Variants in CCSER1 observed in about 807,000 individuals in gnomAD.
CCSER1 encodes serine-rich coiled-coil domain-containing protein 1.
Under a neutral mutation model 82.0 loss-of-function variants are expected in CCSER1, and 41 were observed. The observed-to-expected ratio is 0.50, with a 90% confidence interval of 0.39 to 0.65. CCSER1 has a LOEUF of 0.65. Ranked by LOEUF, CCSER1 falls within the 30% of genes least tolerant of loss-of-function variation. CCSER1 has a pLI of 0.00. For missense variants in CCSER1, 1,119 were observed against 1,064.2 expected, an observed-to-expected ratio of 1.05 and a Z score of -0.72; for synonymous variants, 414 against 383.9, an observed-to-expected ratio of 1.08 and a Z score of -0.92.
At chr4:91,570,481 T>G (rs576798193) in intron 10 of CCSER1, among the ~76,000 whole-genome samples, 1 of 152,214 alleles carries the variant, frequency 6.6e-6, no homozygotes, top group African/African-American at 2.4e-5. Flanking sequence ...TCTTTTGAAA[T>G]CTAGGTGGAG....
intron 10 of CCSER1, among the ~76,000 whole-genome samples, chr4:91,461,784 C>T (rs528711069): frequency 1.3e-5 from 2 of 152,250 alleles, no homozygotes; most frequent in African/African-American, 4.8e-5. Flanking sequence ...GGGTATCTCT[C>T]AGTAACTATT....
At chr4:90,512,620 G>T (rs1404002986) in intron 5 of CCSER1, among the ~76,000 whole-genome samples, 1 of 152,044 alleles carries the variant, frequency 6.6e-6, no homozygotes, top group Non-Finnish European at 1.5e-5. Context: ...ATTCAAATGT[G>T]AATCAGAAAA....
At chr4:90,235,605 T>TAAC (rs1745638703) in intron 1 of CCSER1, among the ~76,000 whole-genome samples, 1 of 152,152 alleles carries the variant, frequency 6.6e-6, no homozygotes, top group South Asian at 2.1e-4. Context: ...TTATACTTAG[T>TAAC]TATCTGTGCA....
At chr4:91,101,428 A>G (rs181147242) in intron 10 of CCSER1, among the ~76,000 whole-genome samples, 222 of 152,298 alleles carry the variant, frequency 1.5e-3, no homozygotes, top group African/African-American at 4.9e-3. Flanking sequence ...CCTCTTAAGA[A>G]CCTGGTTTAA....
At chr4:91,465,028 C>A (rs1467958362) in intron 10 of CCSER1, among the ~76,000 whole-genome samples, 1 of 152,174 alleles carries the variant, frequency 6.6e-6, no homozygotes, top group African/African-American at 2.4e-5. Context: ...ACAGAACTCT[C>A]CACCCCAAAT....
intron 10 of CCSER1, among the ~76,000 whole-genome samples, chr4:91,447,522 T>C (rs1187727659): frequency 1.3e-5 from 2 of 152,122 alleles, no homozygotes; most frequent in African/African-American, 4.8e-5. Flanking sequence ...ATTATAGCAA[T>C]GTTGCTGAAA....
intron 5 of CCSER1, among the ~76,000 whole-genome samples, chr4:90,491,002 C>T (rs746542183): frequency 1.6e-4 from 24 of 152,046 alleles, no homozygotes; most frequent in African/African-American, 1.9e-4. Flanking sequence ...CTTGGCAATG[C>T]GGGCCCTTTT....
chr4:90,815,737 T>C lies in CCSER1; in HGVS notation c.2011-25T>C, dbSNP rs368045176. 2.5e-4 allele frequency: 384 copies of C among 1,524,582 alleles called. 1 individual carries two copies. In the African/African-American group the frequency reaches 5.0e-3, roughly 20 times the overall value. The allele number at this position is 1,524,582 out of a possible 1,614,324, so 94.4% of individuals were successfully genotyped here. On this transcript the variant is annotated intron_variant, in intron 7 of 10. Coordinates refer to ENST00000509176, the MANE Select transcript of CCSER1 (RefSeq NM_001145065.2). The stretch of plus-strand genomic sequence containing the variant: ...CAAAGTAAAAGGGCTAAGCCTATTA[T>C]GCTGTCTCTTTGATGTTTTTATAGG...
chr4:90,442,505 GATTT>G (rs2153573492), intron 4 of CCSER1, among the ~76,000 whole-genome samples: 1 of 152,292 alleles, frequency 6.6e-6, no homozygotes, highest in African/African-American at 2.4e-5. Context: ...TGAGGAAAGA[GATTT>G]ATAAATTTGA....
intron 8 of CCSER1, among the ~76,000 whole-genome samples, chr4:90,919,291 A>G (rs1728033629): frequency 6.6e-6 from 1 of 151,862 alleles, no homozygotes; most frequent in Admixed American, 6.6e-5. Flanking sequence ...GAGTTATAGT[A>G]TCTTTGCAGA....
intron 3 of CCSER1, among the ~76,000 whole-genome samples, chr4:90,336,812 T>G (rs1296325685): frequency 6.6e-6 from 1 of 152,148 alleles, no homozygotes; most frequent in African/African-American, 2.4e-5. Flanking sequence ...ATTCAGCCAG[T>G]TTTTTTGCAT....
At chr4:90,493,599 A>G (rs1397796755) in intron 5 of CCSER1, among the ~76,000 whole-genome samples, 2 of 152,118 alleles carry the variant, frequency 1.3e-5, no homozygotes, top group Non-Finnish European at 2.9e-5. Context: ...AGAGAGTGGG[A>G]TCCAATATTC....
Position 90,309,443 on chromosome 4 carries a change from G to C in CCSER1, c.1159G>C (p.Gly387Arg). ...GTTACAAAATGGTGAAACAATGCTGGGGACAAACTCCCCAAGGAAACTTGG... is the reference window on the plus strand; with the variant it reads ...GTTACAAAATGGTGAAACAATGCTGCGGACAAACTCCCCAAGGAAACTTGG... The part of the protein sequence containing the change: ...IGLQNGETML[G>R]TNSPRKLGFY... Residue 387 changes from glycine (G) to arginine (R), a missense_variant, in exon 2 of 11, where the codon GGG becomes CGG. Transcript: ENST00000509176. 8 of 1,613,750 alleles carry C rather than the reference G, an allele frequency of 5.0e-6. No individual in the cohort carries two copies. The highest frequency in any genetic ancestry group is 6.8e-6 in the Non-Finnish European group (8 of 1,179,786).
chr4:90,508,165 G>GA (rs1770972025), intron 5 of CCSER1, among the ~76,000 whole-genome samples: 1 of 152,064 alleles, frequency 6.6e-6, no homozygotes, highest in Middle Eastern at 3.4e-3. Flanking sequence ...TAGGATTTTG[G>GA]AAAAATTGTA....
chr4:90,127,943 G>C (rs992960301), intron 1 of CCSER1, 112 bp downstream of exon 1: 1 of 151,766 alleles, frequency 6.6e-6, no homozygotes, highest in Non-Finnish European at 1.5e-5. Flanking sequence ...TGACCGCGCC[G>C]TGTCGGGGCC....
intron 8 of CCSER1, among the ~76,000 whole-genome samples, chr4:90,922,010 CT>C (rs969714096): frequency 2.6e-5 from 4 of 151,812 alleles, no homozygotes; most frequent in Non-Finnish European, 5.9e-5. Context: ...TTTTACTTAT[CT>C]TTTTCAAATA....
At chr4:90,492,097 A>G (rs1768123411) in intron 5 of CCSER1, among the ~76,000 whole-genome samples, 2 of 152,238 alleles carry the variant, frequency 1.3e-5, no homozygotes, top group East Asian at 1.9e-4. Context: ...GAATGGTGCC[A>G]GCTCCTCCTT....
intron 7 of CCSER1, among the ~76,000 whole-genome samples, chr4:90,753,662 T>A (rs971926200): frequency 2.6e-5 from 4 of 152,208 alleles, no homozygotes; most frequent in Middle Eastern, 3.4e-3. Context: ...TAATTCCATT[T>A]CCCACATGGG....
intron 10 of CCSER1, among the ~76,000 whole-genome samples, chr4:91,314,303 G>T (rs551405200): frequency 7.6e-4 from 115 of 151,974 alleles, no homozygotes; most frequent in Middle Eastern, 3.4e-3. Context: ...GCTTTGACTT[G>T]GTTGCTGCTT....
Sources: gnomAD v4.1 joint callset for allele counts (sites outside exome capture counted in the v4.1 genomes callset) on GRCh38, gnomAD v4.1.1 for gene constraint, MANE v1.5 for transcripts, NCBI Gene and HGNC (gene_info 2026-07-23, HGNC 2026-07-21) for gene names.